AGPAT5: variants seen among roughly 807,000 people sequenced by gnomAD.
The protein encoded by AGPAT5 is 1-acyl-sn-glycerol-3-phosphate acyltransferase epsilon.
Under a neutral mutation model 45.6 loss-of-function variants are expected in AGPAT5, and 46 were observed. The observed-to-expected ratio is 1.01, with a 90% CI of 0.80 to 1.29. The LOEUF (loss-of-function observed/expected upper bound fraction) is 1.29, where lower values mean the gene tolerates loss of function less well. Among genes scored for constraint, AGPAT5 ranks in the 50% most tolerant of loss-of-function variants. The pLI is 0.00. For missense variants in AGPAT5, 673 were observed against 450.7 expected (o/e 1.49, Z -4.47); for synonymous variants, 272 against 167.0 (o/e 1.63, Z -4.85).
At chr8:6,713,521 C>T (rs13270579) in intron 1 of AGPAT5, among the ~76,000 whole-genome samples, 2,609 of 152,268 alleles carry the variant, frequency 0.017, 39 homozygotes, top group Non-Finnish European at 0.027. Flanking sequence ...AAGATTTTGA[C>T]ATTTCTCTAA....
chr8:6,748,133 A>G (rs146941194), intron 6 of AGPAT5, among the ~76,000 whole-genome samples: 5 of 152,170 alleles, frequency 3.3e-5, no homozygotes. Context: ...GTGAAGAAGG[A>G]GCACGCCCGG....
chr8:6,748,623 G>C (rs769855656), intron 6 of AGPAT5, among the ~76,000 whole-genome samples: 4 of 152,178 alleles, frequency 2.6e-5, no homozygotes, highest in East Asian at 1.9e-4. Context: ...TCCTGCCTCA[G>C]CCTCCTGAGT....
intron 6 of AGPAT5, among the ~76,000 whole-genome samples, chr8:6,753,785 A>G (rs7017416): frequency 0.028 from 4,287 of 152,278 alleles, 129 homozygotes; most frequent in African/African-American, 0.071. Context: ...TAAAATCTTT[A>G]TTTTAGTGTT....
intron 6 of AGPAT5, among the ~76,000 whole-genome samples, chr8:6,751,290 A>T (rs189970314): frequency 1.3e-5 from 2 of 152,216 alleles, no homozygotes; most frequent in Non-Finnish European, 2.9e-5. Context: ...TTATGATGCA[A>T]TTAAGAAATA....
chr8:6,711,287 T>C (rs1299194440), intron 1 of AGPAT5, among the ~76,000 whole-genome samples: 1 of 152,242 alleles, frequency 6.6e-6, no homozygotes, highest in Non-Finnish European at 1.5e-5. Flanking sequence ...GGATTTTTCT[T>C]GGATTCTGGG....
Position 6,757,211 on chromosome 8 carries a change from A to G in AGPAT5, c.918A>G (p.Arg306=), listed in dbSNP as rs758004547. ...CACCAGATCCAGAAAGAAGAAAAAG[A>G]TTTCCTGGGAAAAGTGTTAATTCCA... is the stretch of plus-strand genomic sequence containing the variant. ...YESPDPERRK[R]FPGKSVNSKL... Residue 306 remains arginine, a synonymous_variant, in exon 8 of 8, where the codon AGA becomes AGG. Coordinates refer to ENST00000285518, the MANE Select transcript of AGPAT5 (RefSeq NM_018361.5). 1.2e-5 allele frequency: 20 copies of G among 1,614,222 alleles called. No homozygotes were observed. The highest frequency in any genetic ancestry group is 1.4e-5 in the Non-Finnish European group (17 of 1,180,028).
Position 6,755,227 on chromosome 8 carries a change from G to T in AGPAT5, c.869+53G>T, listed in dbSNP as rs1026163857. ...GGAACTTCGGTTCAACTAGATTTCA[G>T]TATAGTCAACAATTTGAAACCAATG... On this transcript the variant is annotated intron_variant, in intron 7 of 7. Transcript: ENST00000285518. 4.4e-5 allele frequency: 69 copies of T among 1,552,912 alleles called. No individual in the cohort carries two copies. In the African/African-American group the frequency reaches 9.2e-4, roughly 21 times the overall value.
intron 1 of AGPAT5, among the ~76,000 whole-genome samples, chr8:6,717,885 A>T (rs1028326590): frequency 6.6e-6 from 1 of 152,178 alleles, no homozygotes; most frequent in Non-Finnish European, 1.5e-5. Flanking sequence ...GACATTTTTT[A>T]TTTGGAATTT....
chr8:6,754,511 A>C (rs1446940960), intron 6 of AGPAT5, among the ~76,000 whole-genome samples: 2 of 152,158 alleles, frequency 1.3e-5, no homozygotes, highest in Non-Finnish European at 2.9e-5. Context: ...CGACAAGCAA[A>C]GTTGAGGATT....
chr8:6,757,902 A>G lies in AGPAT5; in HGVS notation c.*514A>G, dbSNP rs1801899297. 1 of 152,930 alleles carries G rather than the reference A, an allele frequency of 6.5e-6. No homozygotes were observed. Among genetic ancestry groups the G allele is most frequent in the Admixed American group, 6.5e-5 (1 of 15,388 alleles). The allele number at this position is 152,930 out of a possible 1,614,324, so 9.5% of individuals were successfully genotyped here. A position where few individuals can be genotyped will look rare whatever the true frequency, so the allele number is the denominator to read the frequency against. On this transcript the variant is annotated 3_prime_UTR_variant, in exon 8 of 8. Transcript: ENST00000285518. ...GTCAGGATGTTCAAAGGAAAGGGTAAAAAGTGTTCATGGGGAAAAAGCTCT... is the reference window on the plus strand; with the variant it reads ...GTCAGGATGTTCAAAGGAAAGGGTAGAAAGTGTTCATGGGGAAAAAGCTCT...
chr8:6,713,338 G>T (rs1167794144), intron 1 of AGPAT5, among the ~76,000 whole-genome samples: 1 of 152,070 alleles, frequency 6.6e-6, no homozygotes, highest in African/African-American at 2.4e-5. Flanking sequence ...ATTTACTTCA[G>T]AATATATTTT....
chr8:6,754,989 A>T, intron 6 of AGPAT5, 62 bp from the exon 7 acceptor site: 1 of 1,335,588 alleles, frequency 7.5e-7, no homozygotes, highest in Non-Finnish European at 9.9e-7. Flanking sequence ...TTTCATTTTT[A>T]CTTTATATGA....
At chr8:6,712,500 C>A (rs1275436344) in intron 1 of AGPAT5, among the ~76,000 whole-genome samples, 1 of 152,052 alleles carries the variant, frequency 6.6e-6, no homozygotes, top group African/African-American at 2.4e-5. Context: ...CTTAAAAGCC[C>A]TATCTATAGG....
chr8:6,714,095 C>G (rs945350147), intron 1 of AGPAT5, among the ~76,000 whole-genome samples: 1 of 152,208 alleles, frequency 6.6e-6, no homozygotes, highest in Non-Finnish European at 1.5e-5. Flanking sequence ...CTTCTACATT[C>G]TTTCTGCACT....
chr8:6,742,384 T>C (rs910414236), intron 5 of AGPAT5, among the ~76,000 whole-genome samples: 2 of 152,224 alleles, frequency 1.3e-5, no homozygotes, highest in African/African-American at 4.8e-5. Context: ...CAATAAGCTA[T>C]GCAATTTAAC....
intron 4 of AGPAT5, among the ~76,000 whole-genome samples, chr8:6,741,336 T>C (rs1016472436): frequency 6.6e-5 from 10 of 152,180 alleles, no homozygotes; most frequent in Non-Finnish European, 1.0e-4. Context: ...CAAAAACTCA[T>C]TGAGGCTTTG....
chr8:6,752,540 G>T (rs1801688946), intron 6 of AGPAT5, among the ~76,000 whole-genome samples: 1 of 151,578 alleles, frequency 6.6e-6, no homozygotes, highest in Non-Finnish European at 1.5e-5. Context: ...TTGTTGGAAT[G>T]TGGGTCCTGT....
At chr8:6,740,659 A>T (rs555316600) in intron 4 of AGPAT5, among the ~76,000 whole-genome samples, 2 of 152,166 alleles carry the variant, frequency 1.3e-5, no homozygotes, top group East Asian at 3.9e-4. Context: ...ATACCATTAT[A>T]CCAGTATCTA....
intron 5 of AGPAT5, among the ~76,000 whole-genome samples, 176 bp from the exon 6 acceptor site, chr8:6,747,494 C>G (rs917336022): frequency 2.6e-5 from 4 of 152,128 alleles, no homozygotes; most frequent in African/African-American, 9.7e-5. Context: ...TTGATTTAAA[C>G]AGAAAAAGGC....
Sources: allele counts gnomAD v4.1 joint callset (sites outside exome capture counted in the v4.1 genomes callset), GRCh38; gene constraint gnomAD v4.1.1; transcripts MANE v1.5; gene names NCBI Gene and HGNC (gene_info 2026-07-23, HGNC 2026-07-21).